The following CSPP1 variants were observed in gnomAD, a reference collection of about 807,000 sequenced individuals.
CSPP1 encodes centrosome and spindle pole associated protein 1, also known as centrosome and spindle pole-associated protein 1.
In CSPP1, 126 loss-of-function variants were observed where a neutral mutation model predicts 164.4. The ratio of observed to expected loss-of-function variants is 0.77; its 90% confidence interval spans 0.66 to 0.89. The LOEUF is 0.89. Ranked by LOEUF, CSPP1 falls within the 40% of genes least tolerant of loss-of-function variation. The pLI, the probability that CSPP1 is intolerant of heterozygous loss-of-function variation, is 0.00. For missense variants in CSPP1, 1,395 were observed against 1,449.8 expected (o/e 0.96, Z 0.61); for synonymous variants, 472 against 476.7 (o/e 0.99, Z 0.13).
At position 67,147,352 on chromosome 8, in the gene CSPP1, C is replaced by T. The variant is rs562843619; in HGVS notation, c.1976-2431C>T. On this transcript the variant is annotated intron_variant, in intron 17 of 30. Coordinates refer to ENST00000678616, the MANE Select transcript of CSPP1 (RefSeq NM_001382391.1). Reference sequence around the variant, plus strand: ...AGTCACCTTTTTCTGTGGTTTCACCCAGTCCCTTCTCTTTGCATTTTTTCT... The same window carrying T: ...AGTCACCTTTTTCTGTGGTTTCACCTAGTCCCTTCTCTTTGCATTTTTTCT... 3.2e-4 allele frequency among the ~76,000 whole-genome samples: 49 copies of T among 152,258 alleles called. No individual in the cohort carries two copies. The South Asian group carries it at 9.6e-3, about 30-fold the overall frequency.
At chr8:67,085,615 A>C (rs927428553) in intron 3 of CSPP1, among the ~76,000 whole-genome samples, 3 of 152,236 alleles carry the variant, frequency 2.0e-5, no homozygotes, top group South Asian at 2.1e-4. Flanking sequence ...TGAGAAAGCA[A>C]GATGCCAAAC....
At chr8:67,156,418 T>G (rs1057179710) in intron 19 of CSPP1, among the ~76,000 whole-genome samples, 3 of 152,158 alleles carry the variant, frequency 2.0e-5, no homozygotes, top group African/African-American at 7.2e-5. Flanking sequence ...CTTTAACTAT[T>G]TTAGTTTCAA....
chr8:67,165,159 C>CT (rs1007531113), intron 24 of CSPP1, among the ~76,000 whole-genome samples: 9 of 152,134 alleles, frequency 5.9e-5, no homozygotes, highest in African/African-American at 2.2e-4. Flanking sequence ...TGGCACGCCC[C>CT]TGTGGTCCCA....
At chr8:67,087,578 G>A (rs1810671324) in intron 4 of CSPP1, among the ~76,000 whole-genome samples, 2 of 152,150 alleles carry the variant, frequency 1.3e-5, no homozygotes, top group Non-Finnish European at 2.9e-5. Flanking sequence ...GAATCGAAGC[G>A]AGAAAGCTTT....
chr8:67,159,865 TTTCTTTCTTTCTTTCTTTCTTTC>T (rs1827528961), intron 21 of CSPP1, among the ~76,000 whole-genome samples: 1 of 28,942 alleles, frequency 3.5e-5, no homozygotes, highest in African/African-American at 1.8e-4. Flanking sequence ...TCTTTCTTTC[TTTCTTTCTTTCTTTCTTTCTTTC>T]TTTCTTTCTT....
At chr8:67,101,180 T>G (rs1476816581) in intron 7 of CSPP1, among the ~76,000 whole-genome samples, 2 of 152,194 alleles carry the variant, frequency 1.3e-5, no homozygotes, top group African/African-American at 4.8e-5. Context: ...GCCCAAGGTT[T>G]TTATTGTGGG....
chr8:67,064,838 G>C, intron 1 of CSPP1: 1 of 254,702 alleles, frequency 3.9e-6, no homozygotes, highest in South Asian at 5.3e-5. Flanking sequence ...TTGGGGGCGG[G>C]AGTTCTGTGA....
chr8:67,131,508 T>C (rs1410572448), intron 15 of CSPP1, among the ~76,000 whole-genome samples: 1 of 152,104 alleles, frequency 6.6e-6, no homozygotes, highest in African/African-American at 2.4e-5. Context: ...TTTGAGACAG[T>C]CAGACTTTTT....
chr8:67,072,831 G>A (rs964021016), intron 1 of CSPP1, among the ~76,000 whole-genome samples: 1 of 133,394 alleles, frequency 7.5e-6, no homozygotes, highest in East Asian at 2.3e-4. Flanking sequence ...TGGCAACACT[G>A]TACTCTCTAG....
At chr8:67,179,175 T>C (rs1355106559) in intron 27 of CSPP1, among the ~76,000 whole-genome samples, 1 of 152,202 alleles carries the variant, frequency 6.6e-6, no homozygotes, top group East Asian at 1.9e-4. Context: ...TATTCTGTAC[T>C]GCAAAATTCT....
chr8:67,106,834 A>G (rs1451541210), intron 9 of CSPP1, among the ~76,000 whole-genome samples: 7 of 152,152 alleles, frequency 4.6e-5, no homozygotes, highest in Admixed American at 2.6e-4. Context: ...TAAATTAAAT[A>G]CTGGTTTAGA....
intron 4 of CSPP1, among the ~76,000 whole-genome samples, chr8:67,090,285 CTTTA>C (rs573697157): frequency 3.3e-5 from 5 of 152,080 alleles, no homozygotes; most frequent in Middle Eastern, 6.8e-3. Context: ...TTTAATGACA[CTTTA>C]TTTATTTATT....
intron 1 of CSPP1, chr8:67,065,576 G>A (rs1013309562): frequency 2.2e-6 from 2 of 916,212 alleles, no homozygotes. Flanking sequence ...TCCCTAGGAG[G>A]TCGCTAGCTT....
At chr8:67,156,649 TA>T (rs952979900) in intron 19 of CSPP1, among the ~76,000 whole-genome samples, 3 of 152,010 alleles carry the variant, frequency 2.0e-5, no homozygotes, top group Non-Finnish European at 2.9e-5. Context: ...AAACTTTTGT[TA>T]AAAAAAATAT....
chr8:67,167,301 G>A (rs1385026147), intron 24 of CSPP1, among the ~76,000 whole-genome samples: 1 of 151,752 alleles, frequency 6.6e-6, no homozygotes, highest in African/African-American at 2.4e-5. Flanking sequence ...AGGGGCGGCC[G>A]GGCAGAGGCA....
intron 24 of CSPP1, among the ~76,000 whole-genome samples, chr8:67,166,558 TC>T (rs1178178639): frequency 2.0e-5 from 3 of 152,164 alleles, no homozygotes; most frequent in Non-Finnish European, 4.4e-5. Flanking sequence ...GAAATGTTAA[TC>T]CAAGGTGGTA....
At chr8:67,069,701 C>A (rs192402179) in intron 1 of CSPP1, among the ~76,000 whole-genome samples, 1 of 149,986 alleles carries the variant, frequency 6.7e-6, no homozygotes, top group Non-Finnish European at 1.5e-5. Flanking sequence ...CTCTGTTGCC[C>A]AGACTGGAGT....
At chr8:67,168,467 A>ATTTCTACCCTTTGAGAATCT (rs1357018498) in intron 24 of CSPP1, among the ~76,000 whole-genome samples, 2 of 152,222 alleles carry the variant, frequency 1.3e-5, no homozygotes, top group Non-Finnish European at 2.9e-5. Flanking sequence ...CTCGCTTGAA[A>ATTTCTACCCTTTGAGAATCT]ATTATACATG....
chr8:67,115,756 A>G (rs561939289), intron 12 of CSPP1, among the ~76,000 whole-genome samples, 158 bp from the exon 13 acceptor site: 1 of 152,296 alleles, frequency 6.6e-6, no homozygotes, highest in African/African-American at 2.4e-5. Flanking sequence ...CAGTAAATAA[A>G]TAAATAAAAA....
Sources: gnomAD v4.1 joint callset for allele counts (sites outside exome capture counted in the v4.1 genomes callset) on GRCh38, gnomAD v4.1.1 for gene constraint, MANE v1.5 for transcripts, NCBI Gene and HGNC (gene_info 2026-07-23, HGNC 2026-07-21) for gene names.